Variants in POT1 observed in about 807,000 individuals in gnomAD.
The protein encoded by POT1 is protection of telomeres 1.
POT1 carries 47 observed loss-of-function variants against 78.5 expected under a neutral mutation model. The observed-to-expected ratio is 0.60, with a 90% confidence interval of 0.47 to 0.76. POT1 has a LOEUF of 0.76. Among genes scored for constraint, POT1 ranks in the 30% least tolerant of loss-of-function variants. POT1 has a pLI of 0.00. For missense variants in POT1, 646 were observed against 749.9 expected (o/e 0.86, Z 1.62); for synonymous variants, 259 against 260.7 (o/e 0.99, Z 0.06).
chr7:124,826,308 T>C (rs1794628296), intron 17 of POT1, among the ~76,000 whole-genome samples: 1 of 152,232 alleles, frequency 6.6e-6, no homozygotes, highest in South Asian at 2.1e-4. Flanking sequence ...GGAACTTTCC[T>C]GGACTCTGTC....
intron 6 of POT1, among the ~76,000 whole-genome samples, chr7:124,873,301 G>C (rs9655845): frequency 0.23 from 35,113 of 151,952 alleles, 4,302 homozygotes; most frequent in East Asian, 0.3. Context: ...GAATAGAGTG[G>C]GCATCTGTCT....
Position 124,863,491 on chromosome 7 carries a change from G to T in POT1, c.405C>A (p.Ala135=), listed in dbSNP as rs2116541988. The part of the protein sequence containing the change: ...FTTEDHKMVE[A]LRVWASTHMS... ...TATGAGTAGATGCCCAAACACGTAA[G>T]GCTTCTACCATTTTGTGGTCCTCAG... The change falls in exon 8 of 19, where the codon GCC becomes GCA. Residue 135 remains alanine (A), a synonymous_variant. Coordinates refer to ENST00000357628, the MANE Select transcript of POT1 (RefSeq NM_015450.3). 1 of 1,613,960 alleles carries T rather than the reference G, an allele frequency of 6.2e-7. No homozygotes were observed. The highest frequency in any genetic ancestry group is 8.5e-7 in the Non-Finnish European group (1 of 1,179,914).
At chr7:124,871,541 T>C (rs1795868281) in intron 6 of POT1, among the ~76,000 whole-genome samples, 1 of 152,030 alleles carries the variant, frequency 6.6e-6, no homozygotes, top group Non-Finnish European at 1.5e-5. Flanking sequence ...CATAGAAAAC[T>C]ATGTCATAAC....
At chr7:124,850,712 A>G (rs1370221924) in intron 11 of POT1, among the ~76,000 whole-genome samples, 1 of 151,948 alleles carries the variant, frequency 6.6e-6, no homozygotes, top group East Asian at 1.9e-4. Flanking sequence ...AGCCTGGGAG[A>G]CAGAGCAAGA....
chr7:124,867,007 T>G (rs1048914703), intron 7 of POT1, among the ~76,000 whole-genome samples: 2 of 152,218 alleles, frequency 1.3e-5, no homozygotes, highest in African/African-American at 4.8e-5. Flanking sequence ...ATCATTTTTA[T>G]CACCAATTCC....
chr7:124,840,892 G>A (rs1235125136), intron 14 of POT1, 81 bp downstream of exon 14: 6 of 1,161,904 alleles, frequency 5.2e-6, no homozygotes, highest in South Asian at 1.4e-5. Flanking sequence ...TAGGTTGTCT[G>A]TAAAATGTAT....
chr7:124,838,154 C>T (rs572800263), intron 14 of POT1, among the ~76,000 whole-genome samples: 21 of 152,238 alleles, frequency 1.4e-4, no homozygotes, highest in African/African-American at 5.1e-4. Context: ...CATTCCCTCT[C>T]ATTGCTCCTA....
rs35051558 is a variant in POT1 at position 124,851,885 on chromosome 7, G to A, written c.936C>T (p.Asp312=). 1.7e-5 allele frequency: 27 copies of A among 1,607,800 alleles called. No homozygotes were observed. The highest frequency in any genetic ancestry group is 2.2e-5 in the East Asian group (1 of 44,714). ...HSDVICQSEP[D]DSFPSSGSVS... Reference sequence around the variant, plus strand: ...GATTATCCTTACTTGGAAAGCTGTCGTCAGGTTCTGATTGACAGATAACAT... The same window carrying A: ...GATTATCCTTACTTGGAAAGCTGTCATCAGGTTCTGATTGACAGATAACAT... The change falls in exon 11 of 19, where the codon GAC becomes GAT. Residue 312 remains aspartate (D), a synonymous_variant. Coordinates refer to ENST00000357628, the MANE Select transcript of POT1 (RefSeq NM_015450.3).
At chr7:124,845,645 T>G (rs1022197793) in intron 12 of POT1, among the ~76,000 whole-genome samples, 1 of 152,160 alleles carries the variant, frequency 6.6e-6, no homozygotes, top group African/African-American at 2.4e-5. Context: ...TTTCATCAAA[T>G]ATCCTGATAG....
intron 3 of POT1, among the ~76,000 whole-genome samples, chr7:124,898,816 A>C (rs1225287654): frequency 6.6e-6 from 1 of 152,184 alleles, no homozygotes; most frequent in Non-Finnish European, 1.5e-5. Context: ...GGACATAATA[A>C]GAAATTTCCA....
chr7:124,873,633 C>T, intron 6 of POT1, among the ~76,000 whole-genome samples: 1 of 152,104 alleles, frequency 6.6e-6, no homozygotes, highest in South Asian at 2.1e-4. Context: ...GAAACATTCC[C>T]TTCTCTTCCA....
intron 3 of POT1, among the ~76,000 whole-genome samples, chr7:124,901,695 A>C (rs1796624323): frequency 6.6e-6 from 1 of 152,210 alleles, no homozygotes; most frequent in South Asian, 2.1e-4. Flanking sequence ...GAGTTGGCAG[A>C]AGTAGGCTTC....
At chr7:124,878,001 G>A (rs554313642) in intron 6 of POT1, among the ~76,000 whole-genome samples, 19 of 151,924 alleles carry the variant, frequency 1.3e-4, no homozygotes, top group Non-Finnish European at 2.6e-4. Context: ...AGTAGAAAGT[G>A]ATTATCAATG....
At chr7:124,919,618 G>T (rs932342297) in intron 2 of POT1, among the ~76,000 whole-genome samples, 7 of 152,060 alleles carry the variant, frequency 4.6e-5, no homozygotes, top group Non-Finnish European at 1.0e-4. Flanking sequence ...TCTCAGGCAC[G>T]TACAGAGAAA....
At chr7:124,862,499 C>T (rs999758720) in intron 8 of POT1, among the ~76,000 whole-genome samples, 17 of 152,154 alleles carry the variant, frequency 1.1e-4, no homozygotes, top group African/African-American at 3.1e-4. Context: ...CATGTATTTA[C>T]GACTTTCTCA....
intron 9 of POT1, among the ~76,000 whole-genome samples, chr7:124,855,213 G>T: frequency 9.3e-6 from 1 of 107,788 alleles, no homozygotes; most frequent in Non-Finnish European, 1.8e-5. Context: ...ACACAGAGAG[G>T]AGAGCAAAAA....
chr7:124,888,000 A>T (rs559374031), intron 6 of POT1, among the ~76,000 whole-genome samples: 1 of 152,038 alleles, frequency 6.6e-6, no homozygotes, highest in Non-Finnish European at 1.5e-5. Context: ...ATATATATAC[A>T]CCTCTGTATC....
chr7:124,842,764 CAAAT>C, intron 13 of POT1, 39 bp downstream of exon 13: 2 of 1,511,530 alleles, frequency 1.3e-6, no homozygotes, highest in Non-Finnish European at 1.8e-6. Context: ...CATATACACA[CAAAT>C]AATATGAAAA....
chr7:124,828,201 C>G (rs978792385), intron 16 of POT1, among the ~76,000 whole-genome samples: 1 of 151,910 alleles, frequency 6.6e-6, no homozygotes, highest in African/African-American at 2.4e-5. Flanking sequence ...TTTAGCATGC[C>G]TCTCTCCTTT....
Sources: allele counts gnomAD v4.1 joint callset (sites outside exome capture counted in the v4.1 genomes callset), GRCh38; gene constraint gnomAD v4.1.1; transcripts MANE v1.5; gene names NCBI Gene and HGNC (gene_info 2026-07-23, HGNC 2026-07-21).